RIF1: variants seen among roughly 807,000 people sequenced by gnomAD.
RIF1 encodes the protein telomere-associated protein RIF1.
In RIF1, 45 loss-of-function variants were observed where a neutral mutation model predicts 247.1. That is an observed-to-expected ratio of 0.18 (90% confidence interval 0.14 to 0.23). The LOEUF (loss-of-function observed/expected upper bound fraction) is 0.23, where lower values mean the gene tolerates loss of function less well. Ranked by LOEUF, RIF1 falls within the 10% of genes least tolerant of loss-of-function variation. The pLI, the probability that RIF1 is intolerant of heterozygous loss-of-function variation, is 1.00. For missense variants in RIF1, 2,967 were observed against 2,862.5 expected (o/e 1.04, Z -0.83); for synonymous variants, 1,087 against 978.8 (o/e 1.11, Z -2.06).
At chr2:151,435,764 TTTG>T (rs1691065589) in intron 11 of RIF1, among the ~76,000 whole-genome samples, 184 bp downstream of exon 11, 1 of 151,938 alleles carries the variant, frequency 6.6e-6, no homozygotes, top group African/African-American at 2.4e-5. Context: ...TTTTCTGTTT[TTTG>T]TTTTTTTTTT....
rs543465552 is a variant in RIF1, at chr2:151,460,175, A to T, written c.3075+56A>T. On this transcript the variant is annotated intron_variant, in intron 26 of 35. Coordinates refer to ENST00000444746, the MANE Select transcript of RIF1 (RefSeq NM_018151.5). ...TAAGATAAAGTATATTGTAACTTAC[A>T]TACAACTTTAAAAATTGGATGAAAG... 3.9e-6 allele frequency: 5 copies of T among 1,297,810 alleles called. No individual in the cohort carries two copies. The South Asian group carries it at 5.9e-5, about 15-fold the overall frequency. The allele number at this position is 1,297,810 out of a possible 1,614,324, so 80.4% of individuals were successfully genotyped here. A position where few individuals can be genotyped will look rare whatever the true frequency, so the allele number is the denominator to read the frequency against.
the RIF1 span, among the ~76,000 whole-genome samples, chr2:151,532,466 T>A: frequency 1.3e-5 from 2 of 152,182 alleles, no homozygotes; most frequent in Non-Finnish European, 2.9e-5. Context: ...TTTATCATTT[T>A]AAAAAATTCA....
chr2:151,484,423 C>A (rs2049371460), downstream of RIF1, among the ~76,000 whole-genome samples: 1 of 152,224 alleles, frequency 6.6e-6, no homozygotes. Context: ...TGGCAAAACC[C>A]TGTCTGTACT....
Position 151,425,082 on chromosome 2 carries a change from T to G in RIF1, c.786+2040T>G, listed in dbSNP as rs35521706. Among the ~76,000 whole-genome samples, 568 of 152,130 alleles carry G rather than the reference T, an allele frequency of 3.7e-3. 3 individuals are homozygous for G. The highest frequency in any genetic ancestry group is 5.6e-3 in the Non-Finnish European group (379 of 68,004). On this transcript the variant is annotated intron_variant, in intron 8 of 35. Transcript: ENST00000444746. Reference sequence around the variant, plus strand: ...CTCACCAACACTTTTTATTTTCCTTTTTTTGATAGCCATCCTAGTGAATGT... The same window carrying G: ...CTCACCAACACTTTTTATTTTCCTTGTTTTGATAGCCATCCTAGTGAATGT...
chr2:151,472,183 A>G lies in RIF1; in HGVS notation c.7096-1781A>G, dbSNP rs371264992. 3.3e-5 allele frequency among the ~76,000 whole-genome samples: 5 copies of G among 151,922 alleles called. No homozygotes were observed. The South Asian group carries it at 8.3e-4, about 25-fold the overall frequency. ...TTGGCTCTCTGTTTGTCTGTTATTG[A>G]TGTATATGAATGCTTGTGATTTTTG... On this transcript the variant is annotated intron_variant, in intron 34 of 35. Coordinates refer to ENST00000444746, the MANE Select transcript of RIF1 (RefSeq NM_018151.5).
At chr2:151,449,334 T>C (rs1693861365) in intron 20 of RIF1, among the ~76,000 whole-genome samples, 1 of 152,226 alleles carries the variant, frequency 6.6e-6, no homozygotes, top group Non-Finnish European at 1.5e-5. Context: ...TTTTGTATTA[T>C]GGCAATAGTG....
chr2:151,475,218 A>G lies in RIF1; in HGVS notation c.*147A>G, dbSNP rs777604070. On this transcript the variant is annotated 3_prime_UTR_variant, in exon 36 of 36. Transcript: ENST00000444746. ...AAACCCTGAAGGACAGTGACTTATT[A>G]TGTAAGTTCAATTTTGTAAGTTCAT... 1 of 626,852 alleles carries G rather than the reference A, an allele frequency of 1.6e-6. No homozygotes were observed. The highest frequency in any genetic ancestry group is 1.9e-5 in the African/African-American group (1 of 53,968). The allele number at this position is 626,852 out of a possible 1,614,324, so 38.8% of individuals were successfully genotyped here.
rs750051812 is a variant in RIF1, at chr2:151,499,279, A to AT, written c.*514-60dup. 1.3e-5 allele frequency: 17 copies of AT among 1,266,622 alleles called. No homozygotes were observed. The highest frequency in any genetic ancestry group is 5.2e-5 in the East Asian group (2 of 38,600). The allele number at this position is 1,266,622 out of a possible 1,614,324, so 78.5% of individuals were successfully genotyped here. On this transcript the variant is annotated intron_variant and NMD_transcript_variant, in intron 10 of 13. Coordinates refer to the RIF1 transcript ENST00000454583. ...AACATTTTTTTAAATAATTAAAGGGATTTTTTATTTTTAAATACCGAACTA... is the reference window on the plus strand; with the variant it reads ...AACATTTTTTTAAATAATTAAAGGGATTTTTTTATTTTTAAATACCGAACTA...
At chr2:151,466,262 AAGGT>A in intron 30 of RIF1, 142 bp downstream of exon 30, 1 of 598,418 alleles carries the variant, frequency 1.7e-6, no homozygotes, top group Non-Finnish European at 2.9e-6. Flanking sequence ...TGCTAGGGAA[AAGGT>A]AGGTAGAAGA....
At chr2:151,437,402 A>C (rs1336923071) in intron 13 of RIF1, 51 bp downstream of exon 13, 1 of 1,415,332 alleles carries the variant, frequency 7.1e-7, no homozygotes, top group Non-Finnish European at 1.0e-6. Context: ...AAAAAGAAGA[A>C]AAAATAGGCC....
exon 11 of RIF1, chr2:151,499,453 C>A: frequency 1.2e-6 from 1 of 855,712 alleles, no homozygotes; most frequent in East Asian, 2.7e-5. Context: ...TTTCATCTAC[C>A]TTGTGGGGAA....
At chr2:151,416,941 C>T in intron 6 of RIF1, 40 bp downstream of exon 6, 1 of 1,458,376 alleles carries the variant, frequency 6.9e-7, no homozygotes, top group Non-Finnish European at 9.4e-7. Flanking sequence ...GAATAGTTTT[C>T]ATAAATTTAG....
At chr2:151,454,114 CT>C (rs1431318258) in intron 21 of RIF1, among the ~76,000 whole-genome samples, 3 of 152,120 alleles carry the variant, frequency 2.0e-5, no homozygotes, top group Admixed American at 6.5e-5. Flanking sequence ...GATCAACTTC[CT>C]TTTAGTAGCA....
rs1441634393 is a variant in RIF1 at position 151,507,056 on chromosome 2, C to T, written c.*1028-673C>T. 5 of 1,185,466 alleles carry T rather than the reference C, an allele frequency of 4.2e-6. No homozygotes were observed. In the South Asian group the frequency reaches 5.0e-5, roughly 12 times the overall value. The allele number at this position is 1,185,466 out of a possible 1,614,324, so 73.4% of individuals were successfully genotyped here. ...ACATCTTGTTAAGATTTCAACATTGCTTTGTTTTCTTTATTTGTCCTATAT... is the reference window on the plus strand; with the variant it reads ...ACATCTTGTTAAGATTTCAACATTGTTTTGTTTTCTTTATTTGTCCTATAT... On this transcript the variant is annotated intron_variant and NMD_transcript_variant, in intron 13 of 13. Transcript: ENST00000454583.
rs773188643 is a variant in RIF1, at chr2:151,463,170, G to A, written c.3650G>A (p.Arg1217Gln). The A allele has an allele frequency of 3.7e-6, 6 of 1,613,914 alleles. No individual in the cohort carries two copies. The highest frequency in any genetic ancestry group is 2.7e-5 in the African/African-American group (2 of 74,888). The change falls in exon 30 of 36, where the codon CGG becomes CAG. Residue 1217 changes from arginine to glutamine, a missense_variant. Arg to Gln is a conservative substitution (Grantham distance 43). Transcript: ENST00000444746. The part of the protein sequence containing the change: ...VAGTPPYPTS[R>Q]RQTFITLEKF... ...GGAACTCCCCCATACCCTACAAGTC[G>A]GAGGCAAACCTTTATTACTTTGGAG...
chr2:151,477,339 T>C lies in RIF1; in HGVS notation c.*2268T>C, dbSNP rs2048978681. The C allele has an allele frequency of 6.6e-6, 1 of 152,170 alleles. No individual in the cohort carries two copies. Among genetic ancestry groups the C allele is most frequent in the South Asian group, 2.1e-4 (1 of 4,830 alleles). 9.4% of individuals were successfully genotyped at this position (152,170 alleles called of 1,614,324 possible). ...TAATAAAACAAATGTCAGATCATAA[T>C]AACACTCAAATGTGTCTTAATTGTC... On this transcript the variant is annotated 3_prime_UTR_variant, in exon 36 of 36. Coordinates refer to ENST00000444746, the MANE Select transcript of RIF1 (RefSeq NM_018151.5).
chr2:151,451,558 A>G (rs374391931), intron 20 of RIF1, 48 bp from the exon 21 acceptor site: 2 of 897,632 alleles, frequency 2.2e-6, no homozygotes, highest in African/African-American at 1.6e-5. Context: ...TTTGTTGAAT[A>G]CTGTCCCAGT....
the RIF1 span, chr2:151,534,419 C>G: frequency 2.0e-5 from 19 of 969,866 alleles, no homozygotes; most frequent in South Asian, 2.6e-4. Context: ...CATGTCATCT[C>G]TAGTGGCGGG....
chr2:151,497,394 A>T lies in RIF1; in HGVS notation c.*514-1951A>T, dbSNP rs189541337. ...CACAAACTGAAAAACTCATTATTTT[A>T]AAAAAAAGATTGAAAATACCAGATG... is the stretch of plus-strand genomic sequence containing the variant. On this transcript the variant is annotated intron_variant and NMD_transcript_variant, in intron 10 of 13. Coordinates refer to the RIF1 transcript ENST00000454583. 5.6e-4 allele frequency: 548 copies of T among 971,862 alleles called. 8 individuals are homozygous for T. The South Asian group carries it at 0.013, about 23-fold the overall frequency. The allele number at this position is 971,862 out of a possible 1,614,324, so 60.2% of individuals were successfully genotyped here.
Sources: allele counts gnomAD v4.1 joint callset (sites outside exome capture counted in the v4.1 genomes callset), GRCh38; gene constraint gnomAD v4.1.1; transcripts MANE v1.5; gene names NCBI Gene and HGNC (gene_info 2026-07-23, HGNC 2026-07-21).